SHISA6: variants seen among roughly 807,000 people sequenced by gnomAD.
The protein encoded by SHISA6 is protein shisa-6.
A neutral mutation model predicts 47.9 loss-of-function variants in SHISA6; 22 were observed. The observed-to-expected ratio is 0.46, with a 90% CI of 0.33 to 0.66. The LOEUF (loss-of-function observed/expected upper bound fraction) is 0.66. Ranked by LOEUF, SHISA6 falls within the 30% of genes least tolerant of loss-of-function variation. The pLI is 0.02. For synonymous variants in SHISA6, 388 were observed against 337.8 expected (o/e 1.15, Z -1.63); for missense variants, 680 against 764.6 (o/e 0.89, Z 1.30).
intron 3 of SHISA6, among the ~76,000 whole-genome samples, chr17:11,501,703 GAGAGAGAGAC>G (rs996543097): frequency 1.2e-4 from 18 of 152,094 alleles, no homozygotes; most frequent in Non-Finnish European, 2.4e-4. Flanking sequence ...AAGACAGAGA[GAGAGAGAGAC>G]AGAGAGAGAA....
At chr17:11,495,384 GAAAACAAGTC>G (rs1438497864) in intron 3 of SHISA6, among the ~76,000 whole-genome samples, 3 of 152,168 alleles carry the variant, frequency 2.0e-5, no homozygotes, top group Non-Finnish European at 2.9e-5. Context: ...GGGGCCAGAT[GAAAACAAGTC>G]CACAGAAGCC....
chr17:11,241,292 C>T lies in SHISA6; in HGVS notation c.-131C>T, dbSNP rs1456504492. The T allele has an allele frequency of 8.8e-6, 4 of 454,500 alleles. No homozygotes were observed. Among genetic ancestry groups the T allele is most frequent in the Non-Finnish European group, 8.7e-6 (3 of 346,350 alleles). 28.2% of individuals were successfully genotyped at this position (454,500 alleles called of 1,614,324 possible). On this transcript the variant is annotated 5_prime_UTR_variant, in exon 1 of 6. Transcript: ENST00000441885. The surrounding 1 kb of genome is among the most constrained non-coding windows in gnomAD (Gnocchi z 5.5). ...GCCACTGCCGCCCGCGCCTCGATGG[C>T]GCCATCGCCCCGGAGCCGCTGACCG...
intron 3 of SHISA6, among the ~76,000 whole-genome samples, chr17:11,522,310 C>A (rs1365191048): frequency 6.6e-6 from 1 of 152,120 alleles, no homozygotes; most frequent in African/African-American, 2.4e-5. Flanking sequence ...GTCGCCCAGA[C>A]TGGAGTGCAG....
chr17:11,346,551 A>G (rs1054855067), intron 2 of SHISA6, among the ~76,000 whole-genome samples: 2 of 152,226 alleles, frequency 1.3e-5, no homozygotes, highest in African/African-American at 4.8e-5. Flanking sequence ...TAAATTCTAA[A>G]TAATAAAGCA....
At chr17:11,365,872 T>C (rs1412011634) in intron 2 of SHISA6, among the ~76,000 whole-genome samples, 1 of 152,188 alleles carries the variant, frequency 6.6e-6, no homozygotes, top group African/African-American at 2.4e-5. Flanking sequence ...GAGCCTACAA[T>C]AGATTGGGTG....
rs1443193028 is a variant in SHISA6 at position 11,508,352 on chromosome 17, G to GTCCATAAAGAAAGAAGTATCTGA, written c.896-43544_896-43543insTCCATAAAGAAAGAAGTATCTGA. On this transcript the variant is annotated intron_variant, in intron 3 of 5. Coordinates refer to ENST00000441885, the MANE Select transcript of SHISA6 (RefSeq NM_207386.4). ...CACCTCACATGGCAGAAGACAGAAG[G>GTCCATAAAGAAAGAAGTATCTGA]GTAAAAAGGGACAACTCCAATGTCA... 7.3e-5 allele frequency among the ~76,000 whole-genome samples: 7 copies of GTCCATAAAGAAAGAAGTATCTGA among 95,902 alleles called. No individual in the cohort carries two copies. In the South Asian group the frequency reaches 1.2e-3, roughly 16 times the overall value. The allele number at this position is 95,902 out of a possible 152,430, so 62.9% of individuals were successfully genotyped here. A position where few individuals can be genotyped will look rare whatever the true frequency, so the allele number is the denominator to read the frequency against.
At chr17:11,540,387 A>C (rs1245822339) in intron 3 of SHISA6, among the ~76,000 whole-genome samples, 1 of 152,186 alleles carries the variant, frequency 6.6e-6, no homozygotes, top group Non-Finnish European at 1.5e-5. Flanking sequence ...CTTCCTGTAC[A>C]TTAATGGGAG....
chr17:11,455,544 C>T lies in SHISA6; in HGVS notation c.895+76035C>T, dbSNP rs188755158. On this transcript the variant is annotated intron_variant, in intron 3 of 5. Transcript: ENST00000441885. ...ACAAGCGTGGAAGTGTGTGTACAAG[C>T]GTGGAAGTGTGTGTACAAGCGTGGA... Among the ~76,000 whole-genome samples the T allele has an allele frequency of 2.4e-4, 36 of 152,154 alleles. No homozygotes were observed. The East Asian group carries it at 4.1e-3, about 17-fold the overall frequency.
At chr17:11,307,618 A>C (rs1734107646) in intron 2 of SHISA6, among the ~76,000 whole-genome samples, 1 of 152,184 alleles carries the variant, frequency 6.6e-6, no homozygotes, top group Non-Finnish European at 1.5e-5. Flanking sequence ...CCTGTGTGTC[A>C]GGTTATTGTT....
Position 11,295,142 on chromosome 17 carries a change from A to C in SHISA6, c.799+31616A>C, listed in dbSNP as rs559558556. On this transcript the variant is annotated intron_variant, in intron 2 of 5. Coordinates refer to ENST00000441885, the MANE Select transcript of SHISA6 (RefSeq NM_207386.4). ...ACTCAGAATAGGTGAGCAAATTAAAACTTATGAGTTGTTTACTTCTGGAAA... is the reference window on the plus strand; with the variant it reads ...ACTCAGAATAGGTGAGCAAATTAAACCTTATGAGTTGTTTACTTCTGGAAA... Among the ~76,000 whole-genome samples the C allele has an allele frequency of 1.1e-4, 17 of 152,254 alleles. No homozygotes were observed. The South Asian group carries it at 3.5e-3, about 32-fold the overall frequency.
intron 2 of SHISA6, among the ~76,000 whole-genome samples, chr17:11,328,154 A>G (rs1428260743): frequency 6.6e-6 from 1 of 152,144 alleles, no homozygotes; most frequent in African/African-American, 2.4e-5. Flanking sequence ...CAAGGCAACA[A>G]ATGAACTAGA....
At chr17:11,406,401 G>T (rs1362307414) in intron 3 of SHISA6, among the ~76,000 whole-genome samples, 1 of 152,210 alleles carries the variant, frequency 6.6e-6, no homozygotes, top group African/African-American at 2.4e-5. Context: ...TAACTCGCCA[G>T]TCCTCACCAG....
At chr17:11,375,301 C>T (rs1474245378) in intron 2 of SHISA6, among the ~76,000 whole-genome samples, 1 of 152,090 alleles carries the variant, frequency 6.6e-6, no homozygotes, top group Non-Finnish European at 1.5e-5. Context: ...CTGAAGTTGT[C>T]CTCTGTGCCC....
intron 1 of SHISA6, among the ~76,000 whole-genome samples, chr17:11,244,362 G>GA (rs1257567049): frequency 1.3e-5 from 2 of 152,098 alleles, no homozygotes; most frequent in Non-Finnish European, 2.9e-5. Context: ...GGGCATGGGG[G>GA]ATCCATCTAC....
At position 11,446,243 on chromosome 17, in the gene SHISA6, G is replaced by C. The variant is rs1356473075; in HGVS notation, c.895+66734G>C. Among the ~76,000 whole-genome samples, 46 of 152,136 alleles carry C rather than the reference G, an allele frequency of 3.0e-4. 1 individual carries two copies. Among genetic ancestry groups the C allele is most frequent in the Admixed American group, 3.0e-3 (46 of 15,280 alleles). On this transcript the variant is annotated intron_variant, in intron 3 of 5. Transcript: ENST00000441885. ...AGAGGGAAGAGCGTAGGTCAAAGCA[G>C]TATACTTGGATGAAACTGTTGTTTC...
chr17:11,404,520 A>AC (rs1467361759), intron 3 of SHISA6, among the ~76,000 whole-genome samples: 4 of 152,172 alleles, frequency 2.6e-5, no homozygotes, highest in African/African-American at 9.6e-5. Context: ...TGTTTGACTG[A>AC]CCACCCCCAT....
At chr17:11,371,227 A>C (rs1206132992) in intron 2 of SHISA6, among the ~76,000 whole-genome samples, 1 of 152,188 alleles carries the variant, frequency 6.6e-6, no homozygotes, top group Non-Finnish European at 1.5e-5. Flanking sequence ...CAAAAAGTTA[A>C]TGCAGAGAGG....
intron 2 of SHISA6, among the ~76,000 whole-genome samples, chr17:11,362,064 C>T (rs956929814): frequency 1.3e-5 from 2 of 152,110 alleles, no homozygotes; most frequent in Non-Finnish European, 2.9e-5. Flanking sequence ...TTATTCTTTT[C>T]ATTTTCTCAT....
chr17:11,492,046 G>A (rs937533231), intron 3 of SHISA6, among the ~76,000 whole-genome samples: 16 of 152,136 alleles, frequency 1.1e-4, no homozygotes, highest in African/African-American at 3.9e-4. Context: ...TGGGATTACA[G>A]GCGTGAGCCA....
Sources: allele counts gnomAD v4.1 joint callset (sites outside exome capture counted in the v4.1 genomes callset), GRCh38; gene constraint gnomAD v4.1.1; non-coding constraint Gnocchi (gnomAD v3.1); transcripts MANE v1.5; gene names NCBI Gene and HGNC (gene_info 2026-07-23, HGNC 2026-07-21).